GPA33: variants seen among roughly 807,000 people sequenced by gnomAD.
The protein encoded by GPA33 is glycoprotein A33, also known as cell surface A33 antigen.
Under a neutral mutation model 35.6 loss-of-function variants are expected in GPA33, and 27 were observed. The observed-to-expected ratio is 0.76, with a 90% confidence interval of 0.56 to 1.04. The LOEUF (loss-of-function observed/expected upper bound fraction) is 1.04. Among genes scored for constraint, GPA33 ranks in the 50% least tolerant of loss-of-function variants. GPA33 has a pLI of 0.00. For missense variants in GPA33, 428 were observed against 411.9 expected, an observed-to-expected ratio of 1.04 and a Z score of -0.34; for synonymous variants, 176 against 164.0, an observed-to-expected ratio of 1.07 and a Z score of -0.56.
At chr1:167,084,287 T>C (rs1667010960) in intron 1 of GPA33, among the ~76,000 whole-genome samples, 1 of 152,006 alleles carries the variant, frequency 6.6e-6, no homozygotes, top group Non-Finnish European at 1.5e-5. Flanking sequence ...GGAGAGGCAG[T>C]GTGGAGCATG....
intron 4 of GPA33, among the ~76,000 whole-genome samples, chr1:167,062,545 G>A (rs1666480051): frequency 6.6e-6 from 1 of 151,750 alleles, no homozygotes. Context: ...TGATCCTCAG[G>A]AGCAGGGGTG....
chr1:167,056,744 TGGTGTGTGTATGGCG>T (rs1666293685), intron 4 of GPA33, among the ~76,000 whole-genome samples: 4 of 148,690 alleles, frequency 2.7e-5, no homozygotes, highest in Non-Finnish European at 4.5e-5. Context: ...GTGGTGTGTG[TGGTGTGTGTATGGCG>T]TGTGTGTGGT....
At chr1:167,068,822 T>C (rs1666653219) in intron 3 of GPA33, 100 bp downstream of exon 3, 2 of 812,266 alleles carry the variant, frequency 2.5e-6, no homozygotes, top group Admixed American at 2.1e-5. Context: ...TAGCTCCTTG[T>C]TGCTGCCTCT....
intron 1 of GPA33, among the ~76,000 whole-genome samples, chr1:167,082,931 G>A (rs542108819): frequency 7.2e-5 from 11 of 152,270 alleles, no homozygotes; most frequent in South Asian, 4.1e-4. Flanking sequence ...CAAGCTTGAC[G>A]GTTGGTGCCC....
In GPA33 at chr1:167,070,899, G is replaced by A. The variant is rs548795488; in HGVS notation, c.199-1761C>T. 2.0e-5 allele frequency among the ~76,000 whole-genome samples: 3 copies of A among 152,246 alleles called. No homozygotes were observed. In the East Asian group the frequency reaches 5.8e-4, roughly 29 times the overall value. On this transcript the variant is annotated intron_variant, in intron 2 of 6. Coordinates refer to ENST00000367868, the MANE Select transcript of GPA33 (RefSeq NM_005814.3). ...GAGTTTTTTGGCTTGGATATTTGGT[G>A]ATGTCATTTCCAAGAGAGGAAACAC...
chr1:167,056,984 GT>G (rs1298000702), intron 4 of GPA33, among the ~76,000 whole-genome samples: 1 of 129,334 alleles, frequency 7.7e-6, no homozygotes, highest in Non-Finnish European at 1.7e-5. Flanking sequence ...GTGATGTGTG[GT>G]GTGTGGTGGG....
In GPA33 at chr1:167,053,536, C is replaced by G. The variant is rs1185422654; in HGVS notation, c.*798G>C. The G allele has an allele frequency of 6.6e-6, 1 of 152,292 alleles. No homozygotes were observed. The highest frequency in any genetic ancestry group is 1.5e-5 in the Non-Finnish European group (1 of 68,084). The allele number at this position is 152,292 out of a possible 1,614,324, so 9.4% of individuals were successfully genotyped here. The stretch of plus-strand genomic sequence containing the variant: ...GCCCCAAGGAGCTGGCGCTCTAATA[C>G]AGTGAGAGCACTCGCTCAGAAGACT... On this transcript the variant is annotated 3_prime_UTR_variant, in exon 7 of 7. Coordinates refer to ENST00000367868, the MANE Select transcript of GPA33 (RefSeq NM_005814.3).
rs78294468 is a variant in GPA33 at position 167,064,772 on chromosome 1, C to A, written c.416-1035G>T. Among the ~76,000 whole-genome samples, 61 of 152,286 alleles carry A rather than the reference C, an allele frequency of 4.0e-4. 1 individual carries two copies. In the East Asian group the frequency reaches 0.011, roughly 27 times the overall value. On this transcript the variant is annotated intron_variant, in intron 3 of 6. Transcript: ENST00000367868. ...GGTTCAGCACCATCCTCCTCCTGTG[C>A]TTTGCAGATAACGTGCAGTTGCCAT...
intron 1 of GPA33, among the ~76,000 whole-genome samples, chr1:167,075,376 G>C (rs1351380021): frequency 6.6e-6 from 1 of 152,110 alleles, no homozygotes; most frequent in Non-Finnish European, 1.5e-5. Flanking sequence ...GATCCAAATT[G>C]GAATGTATTT....
At chr1:167,084,886 A>G (rs1462557686) in intron 1 of GPA33, among the ~76,000 whole-genome samples, 1 of 152,224 alleles carries the variant, frequency 6.6e-6, no homozygotes, top group Non-Finnish European at 1.5e-5. Flanking sequence ...AGCAATAGAA[A>G]ATGTAACAGA....
chr1:167,077,717 C>A (rs912355091), intron 1 of GPA33, among the ~76,000 whole-genome samples: 3 of 152,212 alleles, frequency 2.0e-5, no homozygotes, highest in Non-Finnish European at 2.9e-5. Context: ...AATGTTAAGT[C>A]AACCATCAAT....
At chr1:167,066,328 T>C (rs937312036) in intron 3 of GPA33, among the ~76,000 whole-genome samples, 1 of 152,234 alleles carries the variant, frequency 6.6e-6, no homozygotes, top group Non-Finnish European at 1.5e-5. Context: ...AAAACTGTTA[T>C]AGCTTTGCTG....
chr1:167,058,913 T>A (rs1350979235), intron 4 of GPA33, among the ~76,000 whole-genome samples: 3 of 152,164 alleles, frequency 2.0e-5, no homozygotes, highest in African/African-American at 7.2e-5. Flanking sequence ...TTAAGAGGCA[T>A]CTTGAAGGAA....
chr1:167,087,674 T>C (rs750508439), intron 1 of GPA33, among the ~76,000 whole-genome samples: 1 of 152,052 alleles, frequency 6.6e-6, no homozygotes, highest in Non-Finnish European at 1.5e-5. Context: ...CCCAGCACTT[T>C]GGGAGGCTGA....
At chr1:167,090,116 G>A in intron 1 of GPA33, 129 bp downstream of exon 1, 1 of 705,292 alleles carries the variant, frequency 1.4e-6, no homozygotes, top group Non-Finnish European at 2.6e-6. Flanking sequence ...TGTAATTCTG[G>A]CCCAGCAGGA....
chr1:167,079,675 T>C (rs1168274953), intron 1 of GPA33, among the ~76,000 whole-genome samples: 1 of 152,192 alleles, frequency 6.6e-6, no homozygotes, highest in African/African-American at 2.4e-5. Context: ...CCAACAGCCA[T>C]CTTGGGAATC....
chr1:167,086,745 A>C (rs182376937), intron 1 of GPA33, among the ~76,000 whole-genome samples: 16 of 152,306 alleles, frequency 1.1e-4, no homozygotes, highest in Admixed American at 1.0e-3. Context: ...AAACTTTTTT[A>C]TATGGGGGGA....
At chr1:167,063,501 C>A in intron 4 of GPA33, 81 bp downstream of exon 4, 1 of 1,332,422 alleles carries the variant, frequency 7.5e-7, no homozygotes, top group Non-Finnish European at 1.0e-6. Flanking sequence ...GATCGGTCAA[C>A]CCAAGTTGCA....
intron 2 of GPA33, among the ~76,000 whole-genome samples, chr1:167,070,971 G>T (rs1268956067): frequency 1.3e-5 from 2 of 152,198 alleles, no homozygotes; most frequent in African/African-American, 4.8e-5. Flanking sequence ...CTCTTTACGT[G>T]TGGGGTATCT....
Sources: allele counts gnomAD v4.1 joint callset (sites outside exome capture counted in the v4.1 genomes callset), GRCh38; gene constraint gnomAD v4.1.1; transcripts MANE v1.5; gene names NCBI Gene and HGNC (gene_info 2026-07-23, HGNC 2026-07-21).